Variants in CORIN observed in about 807,000 individuals in gnomAD.
CORIN encodes the protein corin, serine peptidase, also known as atrial natriuretic peptide-converting enzyme.
A neutral mutation model predicts 125.3 loss-of-function variants in CORIN; 117 were observed. That is an observed-to-expected ratio of 0.93 (90% CI 0.80 to 1.09). The LOEUF (loss-of-function observed/expected upper bound fraction) is 1.09, where lower values mean the gene tolerates loss of function less well. CORIN is among the 50% of genes least tolerant of loss of function. The pLI is 0.00. For synonymous variants in CORIN, 450 were observed against 466.4 expected (o/e 0.96, Z 0.45); for missense variants, 1,253 against 1,306.7 (o/e 0.96, Z 0.63).
At chr4:47,792,498 A>G (rs994166703) in intron 2 of CORIN, among the ~76,000 whole-genome samples, 2 of 152,220 alleles carry the variant, frequency 1.3e-5, no homozygotes, top group African/African-American at 4.8e-5. Context: ...ATTAGGAGAA[A>G]GCTCCAAAGA....
chr4:47,642,164 T>A, intron 15 of CORIN, 115 bp from the exon 16 acceptor site: 1 of 1,111,240 alleles, frequency 9.0e-7, no homozygotes, highest in Non-Finnish European at 1.3e-6. Flanking sequence ...TTATTTTAGT[T>A]AATCATTTGA....
chr4:47,701,134 C>T (rs1425055738), intron 5 of CORIN, among the ~76,000 whole-genome samples: 2 of 152,170 alleles, frequency 1.3e-5, no homozygotes, highest in East Asian at 1.9e-4. Context: ...CTAAAAAAGG[C>T]AATGTCATGG....
At chr4:47,807,221 T>G (rs1036249770) in intron 1 of CORIN, among the ~76,000 whole-genome samples, 174 bp from the exon 2 acceptor site, 2 of 152,244 alleles carry the variant, frequency 1.3e-5, no homozygotes, top group Non-Finnish European at 2.9e-5. Context: ...AACAGATAAC[T>G]GTACATCTAC....
At chr4:47,820,185 AG>A (rs1732447852) in intron 1 of CORIN, among the ~76,000 whole-genome samples, 1 of 152,196 alleles carries the variant, frequency 6.6e-6, no homozygotes, top group Non-Finnish European at 1.5e-5. Context: ...AGGAATTTCT[AG>A]GAGCAAGAAA....
intron 8 of CORIN, chr4:47,679,921 C>T (rs552503875): frequency 1.3e-4 from 50 of 399,412 alleles, no homozygotes; most frequent in Admixed American, 3.5e-4. Flanking sequence ...CCAAATGAAG[C>T]TTGGAGTTTT....
intron 5 of CORIN, 49 bp downstream of exon 5, chr4:47,744,353 C>A: frequency 6.7e-7 from 1 of 1,502,554 alleles, no homozygotes; most frequent in Middle Eastern, 1.8e-4. Flanking sequence ...GTATAAATGG[C>A]ATACTCAAAT....
chr4:47,643,559 G>A (rs1013218923), intron 14 of CORIN, among the ~76,000 whole-genome samples: 8 of 152,064 alleles, frequency 5.3e-5, no homozygotes, highest in Non-Finnish European at 8.8e-5. Context: ...ATCAGAGAAC[G>A]GGGTTAAAAT....
intron 1 of CORIN, among the ~76,000 whole-genome samples, chr4:47,808,511 C>G (rs1731897209): frequency 6.6e-6 from 1 of 152,198 alleles, no homozygotes; most frequent in African/African-American, 2.4e-5. Flanking sequence ...GCAGTGTTCA[C>G]TACATAATAT....
rs764207789 is a variant in CORIN at position 47,763,371 on chromosome 4, C to T, written c.617+8G>A. The T allele has an allele frequency of 4.1e-5, 66 of 1,609,122 alleles. No homozygotes were observed. Among genetic ancestry groups the T allele is most frequent in the South Asian group, 1.8e-4 (16 of 90,344 alleles). ...TCTTATCACTGAATAATCTGGGTTC[C>T]GAAATACCTGTCATCGCCATCAATG... On this transcript the variant is annotated splice_region_variant and intron_variant, in intron 4 of 21. Coordinates refer to ENST00000273857, the MANE Select transcript of CORIN (RefSeq NM_006587.4).
intron 4 of CORIN, among the ~76,000 whole-genome samples, chr4:47,751,243 C>A (rs956599369): frequency 3.3e-5 from 5 of 152,132 alleles, no homozygotes; most frequent in African/African-American, 4.8e-5. Context: ...CCACTTCTAC[C>A]ACTCCTCCTT....
At chr4:47,790,225 T>A (rs775548485) in intron 2 of CORIN, 4 of 985,066 alleles carry the variant, frequency 4.1e-6, no homozygotes, top group Non-Finnish European at 4.8e-6. Flanking sequence ...AAATACCTCT[T>A]CATGGGGCTG....
chr4:47,659,455 G>A (rs926602724), intron 12 of CORIN, among the ~76,000 whole-genome samples: 8 of 152,172 alleles, frequency 5.3e-5, no homozygotes, highest in Admixed American at 2.6e-4. Flanking sequence ...AGCCTTTACA[G>A]GAACCATGGT....
At chr4:47,731,383 A>T in intron 5 of CORIN, among the ~76,000 whole-genome samples, 1 of 152,164 alleles carries the variant, frequency 6.6e-6, no homozygotes, top group African/African-American at 2.4e-5. Flanking sequence ...TTGTCAGTGT[A>T]CCAGTGGTAT....
At chr4:47,648,764 A>G (rs1723603762) in intron 13 of CORIN, among the ~76,000 whole-genome samples, 1 of 152,154 alleles carries the variant, frequency 6.6e-6, no homozygotes, top group Non-Finnish European at 1.5e-5. Flanking sequence ...ACAAGGAGGA[A>G]GGAGACAAGG....
chr4:47,667,039 C>T (rs1477723988), intron 10 of CORIN, among the ~76,000 whole-genome samples: 2 of 152,150 alleles, frequency 1.3e-5, no homozygotes, highest in Non-Finnish European at 2.9e-5. Context: ...GGGAGGGAGC[C>T]AGTGGGAGAT....
chr4:47,781,900 T>C (rs1164980744), intron 3 of CORIN, among the ~76,000 whole-genome samples: 1 of 151,940 alleles, frequency 6.6e-6, no homozygotes, highest in African/African-American at 2.4e-5. Context: ...ATCATGCCAC[T>C]GCACTCCAGC....
intron 2 of CORIN, among the ~76,000 whole-genome samples, chr4:47,800,194 T>C (rs182611361): frequency 1.1e-4 from 16 of 152,170 alleles, no homozygotes; most frequent in Admixed American, 1.0e-3. Flanking sequence ...TCTATGAATA[T>C]ACTAAAAACT....
intron 3 of CORIN, among the ~76,000 whole-genome samples, chr4:47,772,221 A>T (rs1366576163): frequency 6.6e-6 from 1 of 152,226 alleles, no homozygotes; most frequent in Admixed American, 6.5e-5. Context: ...CAATTCATTC[A>T]TTCAAGAAAC....
At chr4:47,612,800 G>A (rs1414997218) in intron 19 of CORIN, among the ~76,000 whole-genome samples, 1 of 152,206 alleles carries the variant, frequency 6.6e-6, no homozygotes, top group African/African-American at 2.4e-5. Context: ...GGAGACTCTT[G>A]TGAGTCATAA....
Sources: gnomAD v4.1 joint callset for allele counts (sites outside exome capture counted in the v4.1 genomes callset) on GRCh38, gnomAD v4.1.1 for gene constraint, MANE v1.5 for transcripts, NCBI Gene and HGNC (gene_info 2026-07-23, HGNC 2026-07-21) for gene names.